The following ASCC3 variants were observed in gnomAD, a reference collection of about 807,000 sequenced individuals.
The protein encoded by ASCC3 is activating signal cointegrator 1 complex subunit 3.
A neutral mutation model predicts 256.3 loss-of-function variants in ASCC3; 158 were observed. The observed-to-expected ratio is 0.62, with a 90% CI of 0.54 to 0.70. The LOEUF is 0.70. Among genes scored for constraint, ASCC3 ranks in the 30% least tolerant of loss-of-function variants. The probability of loss-of-function intolerance (pLI) is 0.00; values close to 1 mark genes in which losing one functional copy is unlikely to be tolerated. For synonymous variants in ASCC3, 948 were observed against 883.4 expected (o/e 1.07, Z -1.30); for missense variants, 2,259 against 2,626.0 (o/e 0.86, Z 3.05).
intron 10 of ASCC3, among the ~76,000 whole-genome samples, chr6:100,738,453 C>T (rs984603968): frequency 3.9e-5 from 6 of 152,086 alleles, no homozygotes; most frequent in Admixed American, 2.0e-4. Flanking sequence ...AGTTCTCTCA[C>T]CACCATTTAT....
At chr6:100,651,493 A>T in intron 19 of ASCC3, 67 bp downstream of exon 19, 1 of 878,716 alleles carries the variant, frequency 1.1e-6, no homozygotes, top group Non-Finnish European at 1.7e-6. Context: ...TATTAATGAG[A>T]ACCTTTTATA....
At chr6:100,847,958 C>A in intron 4 of ASCC3, 190 bp downstream of exon 4, 1 of 526,096 alleles carries the variant, frequency 1.9e-6, no homozygotes. Context: ...ACTCATTACA[C>A]TTTCAGACCT....
At chr6:100,579,709 C>A (rs1258748326) in intron 36 of ASCC3, among the ~76,000 whole-genome samples, 2 of 152,086 alleles carry the variant, frequency 1.3e-5, no homozygotes, top group Non-Finnish European at 1.5e-5. Flanking sequence ...CTGCTAGCAC[C>A]ATGCTGTTTT....
chr6:100,806,554 C>T (rs763697389), intron 4 of ASCC3, among the ~76,000 whole-genome samples: 3 of 151,834 alleles, frequency 2.0e-5, no homozygotes, highest in East Asian at 1.9e-4. Context: ...TCTAGGTTTC[C>T]GCGAGTATGA....
intron 13 of ASCC3, among the ~76,000 whole-genome samples, chr6:100,692,689 G>T (rs768621626): frequency 7.9e-5 from 12 of 152,066 alleles, no homozygotes; most frequent in Non-Finnish European, 1.2e-4. Flanking sequence ...GAAGATGTCA[G>T]TTTTGTGGTG....
chr6:100,679,670 A>G lies in ASCC3; in HGVS notation c.2234T>C (p.Ile745Thr), dbSNP rs779899178. ...TCCTTGGGTAGGAAAAAAGAAGGGA[A>G]TATGGCCACAATTTTTTGCTCTTTC... Reference protein sequence around the residue: ...LIERAKNCGHIPFFFPTQGHD... With the variant: ...LIERAKNCGHTPFFFPTQGHD... The change falls in exon 14 of 42, where the codon ATT becomes ACT. Residue 745 changes from isoleucine to threonine, a missense_variant. Coordinates refer to ENST00000369162, the MANE Select transcript of ASCC3 (RefSeq NM_006828.4). 3 of 1,613,752 alleles carry G rather than the reference A, an allele frequency of 1.9e-6. No homozygotes were observed. Among genetic ancestry groups the G allele is most frequent in the Non-Finnish European group, 2.5e-6 (3 of 1,179,762 alleles).
chr6:100,783,204 A>T (rs1426939004), intron 8 of ASCC3, among the ~76,000 whole-genome samples: 1 of 152,152 alleles, frequency 6.6e-6, no homozygotes, highest in East Asian at 1.9e-4. Context: ...ATGCCCCTTC[A>T]AATTATTCTA....
chr6:100,582,202 T>C (rs1242970486), intron 36 of ASCC3, among the ~76,000 whole-genome samples: 1 of 152,134 alleles, frequency 6.6e-6, no homozygotes, highest in African/African-American at 2.4e-5. Flanking sequence ...ATGATATTGA[T>C]TCTTCCTACC....
At chr6:100,806,655 T>C (rs139260610) in intron 4 of ASCC3, among the ~76,000 whole-genome samples, 1 of 151,968 alleles carries the variant, frequency 6.6e-6, no homozygotes, top group Admixed American at 6.6e-5. Flanking sequence ...ATTCTAACCA[T>C]TCTCAGAGAA....
intron 36 of ASCC3, among the ~76,000 whole-genome samples, chr6:100,587,447 G>A (rs902562727): frequency 7.2e-5 from 11 of 152,120 alleles, no homozygotes; most frequent in Admixed American, 5.9e-4. Context: ...ATAATTCCTA[G>A]GCAAGAAATT....
chr6:100,608,265 TTATA>T (rs1299905393), intron 30 of ASCC3, among the ~76,000 whole-genome samples: 1 of 70,054 alleles, frequency 1.4e-5, no homozygotes, highest in Non-Finnish European at 2.5e-5. Context: ...TATATATACT[TTATA>T]TATATACTTT....
chr6:100,608,172 T>TATGTATATATATC (rs1773076211), intron 30 of ASCC3, among the ~76,000 whole-genome samples: 1 of 24,742 alleles, frequency 4.0e-5, no homozygotes, highest in Non-Finnish European at 1.2e-4. Flanking sequence ...ATATACATAT[T>TATGTATATATATC]TATATATGTG....
chr6:100,741,347 T>C (rs74455501), intron 10 of ASCC3, among the ~76,000 whole-genome samples: 2 of 152,172 alleles, frequency 1.3e-5, no homozygotes, highest in Admixed American at 6.5e-5. Context: ...GAGAATCTGA[T>C]GATCATGTGT....
intron 10 of ASCC3, among the ~76,000 whole-genome samples, chr6:100,764,301 G>A (rs780197997): frequency 6.6e-6 from 1 of 152,134 alleles, no homozygotes; most frequent in Non-Finnish European, 1.5e-5. Flanking sequence ...TACAGAATTT[G>A]AACTGGGTTT....
At chr6:100,705,005 T>A (rs939184005) in intron 13 of ASCC3, among the ~76,000 whole-genome samples, 1 of 152,082 alleles carries the variant, frequency 6.6e-6, no homozygotes, top group Non-Finnish European at 1.5e-5. Context: ...GGGGAATTAT[T>A]AGCCGGAATG....
chr6:100,636,327 T>A lies in ASCC3; in HGVS notation c.4122+2274A>T, dbSNP rs145402283. 5.5e-3 allele frequency among the ~76,000 whole-genome samples: 836 copies of A among 152,294 alleles called. 1 individual carries two copies. The highest frequency in any genetic ancestry group is 9.2e-3 in the Non-Finnish European group (627 of 68,022). Reference sequence around the variant, plus strand: ...CTGTGGTCGGTGATCTTTTATGTTATCATTGTAATTGTTTTGTAGTGTCAT... The same window carrying A: ...CTGTGGTCGGTGATCTTTTATGTTAACATTGTAATTGTTTTGTAGTGTCAT... On this transcript the variant is annotated intron_variant, in intron 25 of 41. Coordinates refer to ENST00000369162, the MANE Select transcript of ASCC3 (RefSeq NM_006828.4).
At chr6:100,816,778 A>G (rs1182569524) in intron 4 of ASCC3, among the ~76,000 whole-genome samples, 2 of 152,064 alleles carry the variant, frequency 1.3e-5, no homozygotes, top group Non-Finnish European at 2.9e-5. Context: ...AGGAGAGAGA[A>G]AATCTGTAGA....
chr6:100,668,265 CA>C (rs1027445319), intron 14 of ASCC3, among the ~76,000 whole-genome samples: 5 of 151,796 alleles, frequency 3.3e-5, no homozygotes, highest in Non-Finnish European at 7.4e-5. Flanking sequence ...CCAATATCAG[CA>C]AAACGAAAAT....
intron 10 of ASCC3, among the ~76,000 whole-genome samples, chr6:100,758,167 T>G (rs1284168708): frequency 1.3e-5 from 2 of 152,108 alleles, no homozygotes; most frequent in African/African-American, 4.8e-5. Flanking sequence ...TCAACTCAAA[T>G]GAGACGATAC....
Sources: allele counts gnomAD v4.1 joint callset (sites outside exome capture counted in the v4.1 genomes callset), GRCh38; gene constraint gnomAD v4.1.1; transcripts MANE v1.5; gene names NCBI Gene and HGNC (gene_info 2026-07-23, HGNC 2026-07-21).